The following CCDC88A variants were observed in gnomAD, a reference collection of about 807,000 sequenced individuals.
CCDC88A encodes the protein coiled-coil and HOOK domain protein 88A, also known as girdin.
In CCDC88A, 54 loss-of-function variants were observed where a neutral mutation model predicts 234.3. That is an observed-to-expected ratio of 0.23 (90% CI 0.19 to 0.29). CCDC88A has a LOEUF of 0.29. Among genes scored for constraint, CCDC88A ranks in the 10% least tolerant of loss-of-function variants. The pLI is 1.00. For synonymous variants in CCDC88A, 753 were observed against 737.8 expected, an observed-to-expected ratio of 1.02 and a Z score of -0.33; for missense variants, 1,832 against 2,123.4, an observed-to-expected ratio of 0.86 and a Z score of 2.70.
At chr2:55,387,036 G>A (rs1022433940) in intron 3 of CCDC88A, among the ~76,000 whole-genome samples, 1 of 151,332 alleles carries the variant, frequency 6.6e-6, no homozygotes, top group African/African-American at 2.4e-5. Context: ...AATTAGCCGG[G>A]TGTGGTAGTG....
chr2:55,309,115 A>G lies in CCDC88A; in HGVS notation c.4172+47T>C, dbSNP rs1306768752. ...GTCATCACAATATTAGAAATAACCT[A>G]GTGTTTTTTTTCAGAATAAGAATTC... On this transcript the variant is annotated intron_variant, in intron 24 of 32. Transcript: ENST00000436346. This position sits in a 1 kb window ranked among gnomAD's most constrained non-coding sequence, Gnocchi z 5.1. 1 of 1,423,010 alleles carries G rather than the reference A, an allele frequency of 7.0e-7. No homozygotes were observed. The allele number at this position is 1,423,010 out of a possible 1,614,324, so 88.1% of individuals were successfully genotyped here. A position where few individuals can be genotyped will look rare whatever the true frequency, so the allele number is the denominator to read the frequency against.
At chr2:55,418,616 A>T (rs1018265073) in intron 2 of CCDC88A, 200 bp downstream of exon 2, 1 of 576,932 alleles carries the variant, frequency 1.7e-6, no homozygotes, top group Admixed American at 3.0e-5. Context: ...AAAGTTTCAC[A>T]ATTTTAACAG....
At chr2:55,344,244 T>C (rs920988884) in intron 11 of CCDC88A, 124 bp downstream of exon 11, 2 of 541,074 alleles carry the variant, frequency 3.7e-6, no homozygotes, top group Non-Finnish European at 6.1e-6. Context: ...TCTAATTTAT[T>C]TAGCTCTCTC....
At chr2:55,310,669 A>G (rs1001744894) in intron 23 of CCDC88A, among the ~76,000 whole-genome samples, 1 of 152,148 alleles carries the variant, frequency 6.6e-6, no homozygotes, top group Non-Finnish European at 1.5e-5. Flanking sequence ...AGTGGTGGAG[A>G]CTAGGAAGAA....
chr2:55,312,793 C>A, intron 22 of CCDC88A: 1 of 361,794 alleles, frequency 2.8e-6, no homozygotes, highest in Non-Finnish European at 4.9e-6. Flanking sequence ...TCTTAATTTT[C>A]ACAAACACTG....
At chr2:55,364,678 T>G (rs934159732) in intron 5 of CCDC88A, among the ~76,000 whole-genome samples, 2 of 152,072 alleles carry the variant, frequency 1.3e-5, no homozygotes, top group African/African-American at 4.8e-5. Flanking sequence ...CGTAACCAAA[T>G]GGAATAAAGG....
intron 2 of CCDC88A, among the ~76,000 whole-genome samples, chr2:55,401,949 C>T (rs1461606071): frequency 6.6e-6 from 1 of 151,996 alleles, no homozygotes; most frequent in Non-Finnish European, 1.5e-5. Flanking sequence ...TATACATATA[C>T]TTTACTTTGG....
At chr2:55,398,857 C>A (rs1678088784) in intron 2 of CCDC88A, among the ~76,000 whole-genome samples, 1 of 151,340 alleles carries the variant, frequency 6.6e-6, no homozygotes, top group South Asian at 2.1e-4. Flanking sequence ...AGAGCAAGAC[C>A]CTGCCTAACA....
At chr2:55,294,862 TAATATTTCATGC>T in intron 31 of CCDC88A, 1 of 1,054,752 alleles carries the variant, frequency 9.5e-7, no homozygotes. Flanking sequence ...ACAAAGTAAT[TAATATTTCATGC>T]AGGTTTTGGT....
intron 12 of CCDC88A, 103 bp from the exon 13 acceptor site, chr2:55,339,751 G>C (rs1668246685): frequency 2.6e-6 from 2 of 774,642 alleles, no homozygotes; most frequent in African/African-American, 3.6e-5. Context: ...TGCATCATCT[G>C]ATCCTTAACT....
intron 22 of CCDC88A, chr2:55,312,864 T>A: frequency 4.6e-6 from 1 of 219,426 alleles, no homozygotes; most frequent in Non-Finnish European, 9.0e-6. Context: ...TAAAACTGTT[T>A]AACTTATAGT....
At position 55,309,859 on chromosome 2, in the gene CCDC88A, A is replaced by C. The variant is rs1682110689; in HGVS notation, c.4080-605T>G. Reference sequence around the variant, plus strand: ...TAAATAGCTTTGTTTACAATATAGGAGAGAAGATATATCCATAAATTAATA... The same window carrying C: ...TAAATAGCTTTGTTTACAATATAGGCGAGAAGATATATCCATAAATTAATA... On this transcript the variant is annotated intron_variant, in intron 23 of 32. Transcript: ENST00000436346. This position sits in a 1 kb window ranked among gnomAD's most constrained non-coding sequence, Gnocchi z 5.1. Among the ~76,000 whole-genome samples the C allele has an allele frequency of 6.6e-6, 1 of 152,160 alleles. No homozygotes were observed. Among genetic ancestry groups the C allele is most frequent in the African/African-American group, 2.4e-5 (1 of 41,434 alleles).
At chr2:55,324,894 C>T (rs1424975728) in intron 17 of CCDC88A, among the ~76,000 whole-genome samples, 2 of 152,202 alleles carry the variant, frequency 1.3e-5, no homozygotes, top group Admixed American at 6.5e-5. Flanking sequence ...GATACACCTG[C>T]CTCAGCCTCC....
Position 55,309,398 on chromosome 2 carries a change from G to GT in CCDC88A, c.4080-145dup, listed in dbSNP as rs1682034279. The GT allele has an allele frequency of 2.2e-6, 1 of 453,684 alleles. No homozygotes were observed. The highest frequency in any genetic ancestry group is 2.0e-5 in the African/African-American group (1 of 48,872). The allele number at this position is 453,684 out of a possible 1,614,324, so 28.1% of individuals were successfully genotyped here. A position where few individuals can be genotyped will look rare whatever the true frequency, so the allele number is the denominator to read the frequency against. On this transcript the variant is annotated intron_variant, in intron 23 of 32. Coordinates refer to ENST00000436346, the MANE Select transcript of CCDC88A (RefSeq NM_001365480.1). This position sits in a 1 kb window ranked among gnomAD's most constrained non-coding sequence, Gnocchi z 5.1. ...TGGTTGGCAACTAAGATTTCATCAG[G>GT]TAGTTAACAATGGGAATTTTTCCAT... is the stretch of plus-strand genomic sequence containing the variant.
At chr2:55,312,602 T>C (rs757572612) in intron 22 of CCDC88A, 23 bp from the exon 23 acceptor site, 1 of 1,559,960 alleles carries the variant, frequency 6.4e-7, no homozygotes, top group African/African-American at 1.4e-5. Context: ...AAACATTTTT[T>C]AAAAAATCAA....
chr2:55,390,569 T>A (rs990206930), intron 2 of CCDC88A, among the ~76,000 whole-genome samples: 2 of 152,198 alleles, frequency 1.3e-5, no homozygotes, highest in Non-Finnish European at 2.9e-5. Flanking sequence ...GAAGATACCC[T>A]CTTGCCATAA....
chr2:55,406,497 G>A (rs1361417671), intron 2 of CCDC88A, among the ~76,000 whole-genome samples: 1 of 152,102 alleles, frequency 6.6e-6, no homozygotes. Context: ...GCTTACACCT[G>A]TAATCCCAGC....
intron 2 of CCDC88A, chr2:55,397,161 G>A (rs1677748217): frequency 6.6e-6 from 1 of 152,058 alleles, no homozygotes; most frequent in Non-Finnish European, 1.5e-5. Context: ...CATGATCTCA[G>A]CTCAATGCAA....
chr2:55,345,958 ACCCCAGAGTT>A (rs1669064293), intron 10 of CCDC88A: 1 of 373,004 alleles, frequency 2.7e-6, no homozygotes, highest in Non-Finnish European at 4.7e-6. Flanking sequence ...TAAAAGAAGA[ACCCCAGAGTT>A]CAATAAAATT....
Sources: allele counts gnomAD v4.1 joint callset (sites outside exome capture counted in the v4.1 genomes callset), GRCh38; gene constraint gnomAD v4.1.1; non-coding constraint Gnocchi (gnomAD v3.1); transcripts MANE v1.5; gene names NCBI Gene and HGNC (gene_info 2026-07-23, HGNC 2026-07-21).